Variants in TBCD observed in about 807,000 individuals in gnomAD.
The protein encoded by TBCD is tubulin folding cofactor D.
In TBCD, 105 loss-of-function variants were observed where a neutral mutation model predicts 169.3. That is an observed-to-expected ratio of 0.62 (90% CI 0.53 to 0.73). The LOEUF (loss-of-function observed/expected upper bound fraction) is 0.73. Ranked by LOEUF, TBCD falls within the 30% of genes least tolerant of loss-of-function variation. The probability of loss-of-function intolerance (pLI) is 0.00; values close to 1 mark genes in which losing one functional copy is unlikely to be tolerated. For synonymous variants in TBCD, 700 were observed against 643.9 expected (o/e 1.09, Z -1.32); for missense variants, 1,444 against 1,600.1 (o/e 0.90, Z 1.66).
chr17:82,784,954 G>A (rs1379271235), intron 7 of TBCD, among the ~76,000 whole-genome samples: 4 of 151,232 alleles, frequency 2.6e-5, no homozygotes, highest in Non-Finnish European at 5.9e-5. Context: ...TCCATGCTGT[G>A]TGACTGAGAC....
At chr17:82,786,161 A>AT (rs1412974283) in intron 7 of TBCD, among the ~76,000 whole-genome samples, 3 of 152,158 alleles carry the variant, frequency 2.0e-5, no homozygotes, top group Non-Finnish European at 4.4e-5. Context: ...CCAGGTGGCG[A>AT]TCCCACCGTA....
chr17:82,763,500 G>T (rs2047871595), intron 2 of TBCD, among the ~76,000 whole-genome samples: 1 of 152,148 alleles, frequency 6.6e-6, no homozygotes, highest in Admixed American at 6.5e-5. Context: ...CATCACTTTG[G>T]GAGGCCGAGG....
intron 13 of TBCD, among the ~76,000 whole-genome samples, chr17:82,818,169 C>T (rs184818265): frequency 2.0e-5 from 3 of 152,212 alleles, no homozygotes; most frequent in Non-Finnish European, 2.9e-5. Flanking sequence ...GAAACTGACA[C>T]GTGATGTGGA....
At chr17:82,774,038 CT>C (rs34066502) in intron 6 of TBCD, among the ~76,000 whole-genome samples, 343 of 138,478 alleles carry the variant, frequency 2.5e-3, no homozygotes, top group East Asian at 5.6e-3. Flanking sequence ...CCGAGTGTGT[CT>C]TTTTTTTTTT....
In TBCD at chr17:82,930,362, C is replaced by T. The variant is rs2062096583; in HGVS notation, c.2992-160C>T. 3 of 1,042,708 alleles carry T rather than the reference C, an allele frequency of 2.9e-6. No homozygotes were observed. The highest frequency in any genetic ancestry group is 1.6e-5 in the African/African-American group (1 of 61,820). The allele number at this position is 1,042,708 out of a possible 1,614,324, so 64.6% of individuals were successfully genotyped here. A position where few individuals can be genotyped will look rare whatever the true frequency, so the allele number is the denominator to read the frequency against. ...TCGGGTGTCTGCACTGTGAGTGGCT[C>T]CGTGCTGGCGTCCGCACCAGCCGCT... On this transcript the variant is annotated intron_variant, in intron 32 of 38. Coordinates refer to ENST00000355528, the MANE Select transcript of TBCD (RefSeq NM_005993.5). This position sits in a 1 kb window ranked among gnomAD's most constrained non-coding sequence, Gnocchi z 5.2.
chr17:82,801,456 T>C (rs1456484029), intron 9 of TBCD, among the ~76,000 whole-genome samples: 2 of 150,842 alleles, frequency 1.3e-5, no homozygotes, highest in African/African-American at 4.9e-5. Flanking sequence ...TGGCTCGGAG[T>C]CAGCGTGGCA....
chr17:82,912,670 A>T (rs1168565886), intron 23 of TBCD, among the ~76,000 whole-genome samples: 1 of 151,842 alleles, frequency 6.6e-6, no homozygotes, highest in African/African-American at 2.4e-5. Flanking sequence ...TGAGCAGAGG[A>T]GAGCAGGCTG....
intron 22 of TBCD, 61 bp from the exon 23 acceptor site, chr17:82,911,697 T>C: frequency 6.5e-7 from 1 of 1,537,696 alleles, no homozygotes; most frequent in South Asian, 1.1e-5. Context: ...GGCAAGCATA[T>C]TTCATGGTGT....
At chr17:82,825,902 G>A (rs1251815512) in intron 13 of TBCD, among the ~76,000 whole-genome samples, 1 of 152,132 alleles carries the variant, frequency 6.6e-6, no homozygotes, top group African/African-American at 2.4e-5. Flanking sequence ...GGAGGTTGAG[G>A]CTGCAGTGAG....
chr17:82,763,230 T>TG lies in TBCD; in HGVS notation c.236-735_236-734insG, dbSNP rs2047857500. Among the ~76,000 whole-genome samples, 3 of 152,186 alleles carry TG rather than the reference T, an allele frequency of 2.0e-5. No homozygotes were observed. The South Asian group carries it at 6.2e-4, about 32-fold the overall frequency. ...AGCTCTGTAGGTTGGTGTGTATACT[T>TG]ACAGAATTGTTAAGTCTTCATGATG... On this transcript the variant is annotated intron_variant, in intron 2 of 38. Coordinates refer to ENST00000355528, the MANE Select transcript of TBCD (RefSeq NM_005993.5).
intron 8 of TBCD, among the ~76,000 whole-genome samples, chr17:82,799,488 A>T (rs906166550): frequency 1.3e-5 from 2 of 151,510 alleles, no homozygotes; most frequent in African/African-American, 2.4e-5. Context: ...ATCAAATTTG[A>T]ATAACTTTCT....
chr17:82,895,516 T>A (rs902399551), intron 17 of TBCD, among the ~76,000 whole-genome samples: 1 of 152,094 alleles, frequency 6.6e-6, no homozygotes. Flanking sequence ...GGCACTTTGA[T>A]GGTCAGGTCT....
At chr17:82,778,324 CTG>C (rs1414306752) in intron 6 of TBCD, among the ~76,000 whole-genome samples, 1 of 152,076 alleles carries the variant, frequency 6.6e-6, no homozygotes, top group Non-Finnish European at 1.5e-5. Context: ...TGTGGGAACT[CTG>C]TGCGTTTTAA....
chr17:82,846,584 G>A (rs1448367428), intron 13 of TBCD, among the ~76,000 whole-genome samples: 2 of 152,192 alleles, frequency 1.3e-5, no homozygotes, highest in Non-Finnish European at 2.9e-5. Context: ...CCTAGATTTC[G>A]GAGATGGTGG....
At chr17:82,932,410 C>T (rs1000096183) in intron 33 of TBCD, among the ~76,000 whole-genome samples, 1 of 152,238 alleles carries the variant, frequency 6.6e-6, no homozygotes, top group African/African-American at 2.4e-5. Context: ...GTTTGCTTCA[C>T]TTTGCACCAG....
At chr17:82,859,104 G>T (rs1291661147) in intron 13 of TBCD, among the ~76,000 whole-genome samples, 1 of 151,810 alleles carries the variant, frequency 6.6e-6, no homozygotes, top group African/African-American at 2.4e-5. Context: ...GAGTCTCGTG[G>T]GTCATCCGGC....
In TBCD at chr17:82,782,830, G is replaced by A. The variant is rs545315261; in HGVS notation, c.771+1109G>A. ...TCTGCGGTGGCGTCGTCCTGTCTGC[G>A]GTGGCGTCCTCCTGTCCGCAGAGGC... is the stretch of plus-strand genomic sequence containing the variant. On this transcript the variant is annotated intron_variant, in intron 7 of 38. Transcript: ENST00000355528. The surrounding 1 kb of genome is among the most constrained non-coding windows in gnomAD (Gnocchi z 5.1). Among the ~76,000 whole-genome samples the A allele has an allele frequency of 2.0e-5, 3 of 151,092 alleles. No homozygotes were observed. The highest frequency in any genetic ancestry group is 7.3e-5 in the African/African-American group (3 of 41,054).
chr17:82,908,077 G>A (rs2146854774), intron 21 of TBCD, among the ~76,000 whole-genome samples: 1 of 152,368 alleles, frequency 6.6e-6, no homozygotes, highest in East Asian at 1.9e-4. Flanking sequence ...GACTTTCTGT[G>A]CACGTAGCCA....
intron 20 of TBCD, among the ~76,000 whole-genome samples, chr17:82,906,289 CG>C (rs1446127565): frequency 6.6e-6 from 1 of 152,218 alleles, no homozygotes; most frequent in African/African-American, 2.4e-5. Context: ...GTGCAGCACC[CG>C]GATGGGCCGG....
Sources: allele counts gnomAD v4.1 joint callset (sites outside exome capture counted in the v4.1 genomes callset), GRCh38; gene constraint gnomAD v4.1.1; non-coding constraint Gnocchi (gnomAD v3.1); transcripts MANE v1.5; gene names NCBI Gene and HGNC (gene_info 2026-07-23, HGNC 2026-07-21).